UBE2F: variants seen among roughly 807,000 people sequenced by gnomAD.
The protein encoded by UBE2F is NEDD8-conjugating enzyme UBE2F.
UBE2F carries 5 observed loss-of-function variants against 29.6 expected under a neutral mutation model. The ratio of observed to expected loss-of-function variants is 0.17; its 90% confidence interval spans 0.09 to 0.36. UBE2F has a LOEUF of 0.36. UBE2F is among the 10% of genes least tolerant of loss of function. The probability of loss-of-function intolerance (pLI) is 1.00; values close to 1 mark genes in which losing one functional copy is unlikely to be tolerated. For synonymous variants in UBE2F, 66 were observed against 81.8 expected, an observed-to-expected ratio of 0.81 and a Z score of 1.04; for missense variants, 141 against 228.5, an observed-to-expected ratio of 0.62 and a Z score of 2.47.
chr2:238,011,179 T>A (rs1023062907), intron 4 of UBE2F, among the ~76,000 whole-genome samples: 1 of 152,220 alleles, frequency 6.6e-6, no homozygotes. Flanking sequence ...CAGAGCCAGC[T>A]ACATGCAGGG....
At chr2:237,998,784 G>T (rs1306969705) in intron 4 of UBE2F, among the ~76,000 whole-genome samples, 1 of 151,996 alleles carries the variant, frequency 6.6e-6, no homozygotes, top group African/African-American at 2.4e-5. Context: ...AGTTTCCATT[G>T]TTCTACACAT....
intron 1 of UBE2F, 75 bp from the exon 2 acceptor site, chr2:237,973,017 T>G: frequency 6.8e-7 from 1 of 1,472,588 alleles, no homozygotes; most frequent in Non-Finnish European, 9.1e-7. Context: ...ACAAAAGCAC[T>G]TATACATTTT....
intron 2 of UBE2F, among the ~76,000 whole-genome samples, chr2:237,981,195 A>G (rs1448576219): frequency 6.6e-6 from 1 of 152,108 alleles, no homozygotes; most frequent in East Asian, 1.9e-4. Flanking sequence ...GTGAGGGTGT[A>G]CAGAGAAGGG....
At position 238,017,406 on chromosome 2, in the gene UBE2F, G is replaced by A. The variant is rs1011853730; in HGVS notation, c.282+773G>A. Among the ~76,000 whole-genome samples the A allele has an allele frequency of 3.3e-5, 5 of 152,218 alleles. No homozygotes were observed. The South Asian group carries it at 1.0e-3, about 32-fold the overall frequency. On this transcript the variant is annotated intron_variant, in intron 5 of 9. Transcript: ENST00000272930. ...ACTGTGGTGACAGGTGTGGACATGAGAACTTGCAACCTGCAGAAGGCAGAT... is the reference window on the plus strand; with the variant it reads ...ACTGTGGTGACAGGTGTGGACATGAAAACTTGCAACCTGCAGAAGGCAGAT...
At chr2:238,037,267 G>A (rs1013328872) in intron 9 of UBE2F, among the ~76,000 whole-genome samples, 3 of 152,256 alleles carry the variant, frequency 2.0e-5, no homozygotes, top group African/African-American at 7.2e-5. Context: ...CAAAACCCAA[G>A]CTGAAAGAAT....
rs560481383 is a variant in UBE2F, at chr2:237,969,932, T to C, written c.-17+2800T>C. On this transcript the variant is annotated intron_variant, in intron 1 of 9. Coordinates refer to ENST00000272930, the MANE Select transcript of UBE2F (RefSeq NM_080678.3). ...AGGGCCACCTGAGGAGATGGCACAG[T>C]AGCGTAACAATGAAGAAACTAATGT... is the stretch of plus-strand genomic sequence containing the variant. Among the ~76,000 whole-genome samples, 5 of 152,334 alleles carry C rather than the reference T, an allele frequency of 3.3e-5. No individual in the cohort carries two copies. In the East Asian group the frequency reaches 9.6e-4, roughly 29 times the overall value.
rs991306873 is a variant in UBE2F at position 238,019,944 on chromosome 2, C to A, written c.282+3311C>A. On this transcript the variant is annotated intron_variant, in intron 5 of 9. Coordinates refer to ENST00000272930, the MANE Select transcript of UBE2F (RefSeq NM_080678.3). ...ATAGTACTGGGATTCCAGCCATGAG[C>A]CACTGAACCCAGCCTCCTGTTCCCT... is the stretch of plus-strand genomic sequence containing the variant. Among the ~76,000 whole-genome samples, 13 of 152,228 alleles carry A rather than the reference C, an allele frequency of 8.5e-5. No individual in the cohort carries two copies. In the East Asian group the frequency reaches 1.9e-3, roughly 23 times the overall value.
intron 4 of UBE2F, among the ~76,000 whole-genome samples, chr2:238,007,310 T>C (rs1056658616): frequency 4.0e-5 from 6 of 151,724 alleles, no homozygotes; most frequent in Admixed American, 2.0e-4. Flanking sequence ...TTAGTAGATA[T>C]GGCATTTCAC....
Position 237,967,387 on chromosome 2 carries a change from G to A in UBE2F, c.-17+255G>A, listed in dbSNP as rs1387946972. 6.7e-6 allele frequency among the ~76,000 whole-genome samples: 1 copy of A among 150,024 alleles called. No homozygotes were observed. The highest frequency in any genetic ancestry group is 1.5e-5 in the Non-Finnish European group (1 of 67,358). Reference sequence around the variant, plus strand: ...GGCGGCCGGGGCGCTGGCCTCGCCCGGCAGTGAGTGACCGCGGCGGCGGCG... The same window carrying A: ...GGCGGCCGGGGCGCTGGCCTCGCCCAGCAGTGAGTGACCGCGGCGGCGGCG... On this transcript the variant is annotated intron_variant, in intron 1 of 9. Coordinates refer to ENST00000272930, the MANE Select transcript of UBE2F (RefSeq NM_080678.3). This position sits in a 1 kb window ranked among gnomAD's most constrained non-coding sequence, Gnocchi z 6.3.
chr2:237,985,203 T>C (rs2063456739), intron 2 of UBE2F, among the ~76,000 whole-genome samples: 1 of 152,202 alleles, frequency 6.6e-6, no homozygotes, highest in Non-Finnish European at 1.5e-5. Flanking sequence ...ATATTCATCT[T>C]CTTGTATAGT....
rs920086950 is a variant in UBE2F at position 238,042,766 on chromosome 2, C to T, written c.*1428C>T. ...CAGGTGAGGAATGTAGGCCTTGCTT[C>T]CTCTTTGCACCCATTAGACTTGAGG... On this transcript the variant is annotated 3_prime_UTR_variant, in exon 10 of 10. Coordinates refer to ENST00000272930, the MANE Select transcript of UBE2F (RefSeq NM_080678.3). 1 of 152,208 alleles carries T rather than the reference C, an allele frequency of 6.6e-6. No homozygotes were observed. The allele number at this position is 152,208 out of a possible 1,614,324, so 9.4% of individuals were successfully genotyped here. A position where few individuals can be genotyped will look rare whatever the true frequency, so the allele number is the denominator to read the frequency against.
intron 5 of UBE2F, among the ~76,000 whole-genome samples, chr2:238,022,987 G>T (rs2064331613): frequency 6.6e-6 from 1 of 152,210 alleles, no homozygotes; most frequent in Admixed American, 6.5e-5. Flanking sequence ...AATTATGGAA[G>T]GTGTGAAGGG....
Position 237,973,035 on chromosome 2 carries a change from G to A in UBE2F, c.-16-57G>A, listed in dbSNP as rs191116761. The stretch of plus-strand genomic sequence containing the variant: ...AAAGCACTTATACATTTTTCTCAGT[G>A]TCTAATTAGTCTCTGGAGACCTGGT... On this transcript the variant is annotated intron_variant, in intron 1 of 9. Transcript: ENST00000272930. The A allele has an allele frequency of 2.3e-4, 357 of 1,524,556 alleles. No individual in the cohort carries two copies. In the African/African-American group the frequency reaches 4.4e-3, roughly 19 times the overall value. The allele number at this position is 1,524,556 out of a possible 1,614,324, so 94.4% of individuals were successfully genotyped here.
intron 4 of UBE2F, among the ~76,000 whole-genome samples, chr2:238,002,047 A>G (rs944300944): frequency 7.4e-5 from 11 of 148,794 alleles, no homozygotes; most frequent in Non-Finnish European, 8.9e-5. Context: ...TGAATGTGTA[A>G]TAAAGGAATA....
At chr2:238,018,626 C>T (rs1270789447) in intron 5 of UBE2F, among the ~76,000 whole-genome samples, 1 of 152,100 alleles carries the variant, frequency 6.6e-6, no homozygotes, top group Non-Finnish European at 1.5e-5. Context: ...AGTGCTGTGG[C>T]GTGATCTCAG....
rs2063391229 is a variant in UBE2F at position 237,982,106 on chromosome 2, A to G, written c.119-5857A>G. Among the ~76,000 whole-genome samples, 1 of 152,216 alleles carries G rather than the reference A, an allele frequency of 6.6e-6. No homozygotes were observed. The highest frequency in any genetic ancestry group is 2.4e-5 in the African/African-American group (1 of 41,442). On this transcript the variant is annotated intron_variant, in intron 2 of 9. Coordinates refer to ENST00000272930, the MANE Select transcript of UBE2F (RefSeq NM_080678.3). This position sits in a 1 kb window ranked among gnomAD's most constrained non-coding sequence, Gnocchi z 4.1. ...ACTTAAAATGGGTCTATTTGATTGT[A>G]TGTAAATTGGTCCCTGACAAAGCTG...
chr2:238,040,319 C>T lies in UBE2F; in HGVS notation c.508-969C>T, dbSNP rs1347451628. On this transcript the variant is annotated intron_variant, in intron 9 of 9. Transcript: ENST00000272930. This position sits in a 1 kb window ranked among gnomAD's most constrained non-coding sequence, Gnocchi z 4.4. ...TATACATCGAGTGCCAGGTTATACC[C>T]TGCACATTGCCAGGTGTCGGGATTA... Among the ~76,000 whole-genome samples the T allele has an allele frequency of 6.6e-6, 1 of 152,236 alleles. No individual in the cohort carries two copies. The highest frequency in any genetic ancestry group is 1.5e-5 in the Non-Finnish European group (1 of 68,046).
In UBE2F at chr2:238,032,214, T is replaced by G. The variant is rs982663147; in HGVS notation, c.412-8T>G. 1.1e-5 allele frequency: 17 copies of G among 1,612,736 alleles called. No individual in the cohort carries two copies. Among genetic ancestry groups the G allele is most frequent in the Non-Finnish European group, 1.4e-5 (17 of 1,178,946 alleles). ...AAAACTTGTTTTCTGTTTTCTTTTT[T>G]ATTTCAGGATGTCGTTTGGGGATTA... On this transcript the variant is annotated splice_polypyrimidine_tract_variant and splice_region_variant and intron_variant, in intron 7 of 9. Coordinates refer to ENST00000272930, the MANE Select transcript of UBE2F (RefSeq NM_080678.3).
chr2:237,974,123 A>G (rs2063227137), intron 2 of UBE2F, among the ~76,000 whole-genome samples: 2 of 150,790 alleles, frequency 1.3e-5, no homozygotes, highest in Admixed American at 1.3e-4. Flanking sequence ...CCTCCTGAGT[A>G]GCGGAGATTA....
Sources: gnomAD v4.1 joint callset for allele counts (sites outside exome capture counted in the v4.1 genomes callset) on GRCh38, gnomAD v4.1.1 for gene constraint, Gnocchi (gnomAD v3.1) non-coding constraint, MANE v1.5 for transcripts, NCBI Gene and HGNC (gene_info 2026-07-23, HGNC 2026-07-21) for gene names.